The following SPINK2 variants were observed in gnomAD, a reference collection of about 807,000 sequenced individuals.
The protein encoded by SPINK2 is serine protease inhibitor Kazal-type 2.
SPINK2 carries 8 observed loss-of-function variants against 13.5 expected under a neutral mutation model. The observed-to-expected ratio is 0.59, with a 90% CI of 0.35 to 1.07. The LOEUF (loss-of-function observed/expected upper bound fraction) is 1.07, where lower values mean the gene tolerates loss of function less well. SPINK2 is among the 50% of genes least tolerant of loss of function. SPINK2 has a pLI of 0.02. For synonymous variants in SPINK2, 76 were observed against 74.7 expected, an observed-to-expected ratio of 1.02 and a Z score of -0.09; for missense variants, 148 against 180.3, an observed-to-expected ratio of 0.82 and a Z score of 1.03.
chr4:56,817,619 G>A (rs781536), intron 2 of SPINK2, among the ~76,000 whole-genome samples: 10,071 of 110,970 alleles, frequency 0.091, 586 homozygotes, highest in East Asian at 0.38. Flanking sequence ...GGGAGGCCGA[G>A]GCGGGCAGAT....
chr4:56,815,799 A>AC (rs1408194070), intron 2 of SPINK2, among the ~76,000 whole-genome samples: 4 of 96,562 alleles, frequency 4.1e-5, no homozygotes, highest in African/African-American at 1.5e-4. Context: ...CACACACACA[A>AC]AACTATTATT....
intron 2 of SPINK2, among the ~76,000 whole-genome samples, chr4:56,813,173 A>G (rs1397045103): frequency 6.6e-6 from 1 of 152,102 alleles, no homozygotes; most frequent in Non-Finnish European, 1.5e-5. Context: ...AAATACAAAA[A>G]TTAGCTGGGG....
Position 56,821,682 on chromosome 4 carries a change from T to C in SPINK2, c.-20A>G, listed in dbSNP as rs780294740. 1.5e-5 allele frequency: 23 copies of C among 1,497,804 alleles called. No homozygotes were observed. Among genetic ancestry groups the C allele is most frequent in the Non-Finnish European group, 2.7e-6 (3 of 1,129,294 alleles). The allele number at this position is 1,497,804 out of a possible 1,614,324, so 92.8% of individuals were successfully genotyped here. ...CGCCATCCTCCTCCCGCGCCGGCTGTCTTGCCCCTGCGGTCTGTTACCTGC... is the reference window on the plus strand; with the variant it reads ...CGCCATCCTCCTCCCGCGCCGGCTGCCTTGCCCCTGCGGTCTGTTACCTGC... On this transcript the variant is annotated 5_prime_UTR_variant, in exon 1 of 4. Coordinates refer to ENST00000506738, the MANE Select transcript of SPINK2 (RefSeq NM_001271718.2).
In SPINK2 at chr4:56,821,645, C is replaced by T; in HGVS notation, c.18G>A (p.Leu6=). The change falls in exon 1 of 4, where the codon CTG becomes CTA. Residue 6 remains leucine (L), a synonymous_variant. Transcript: ENST00000506738. ...CTGCCAGGAGCAGCAGCGCCAAGCG[C>T]AGCACCGACAGCGCCATCCTCCTCC... MALSV[L]RLALLLLAVT... The T allele has an allele frequency of 6.5e-7, 1 of 1,543,024 alleles. No individual in the cohort carries two copies. Among genetic ancestry groups the T allele is most frequent in the Non-Finnish European group, 8.7e-7 (1 of 1,145,676 alleles).
chr4:56,817,369 A>G (rs1383651164), intron 2 of SPINK2, among the ~76,000 whole-genome samples: 1 of 152,228 alleles, frequency 6.6e-6, no homozygotes, highest in Non-Finnish European at 1.5e-5. Context: ...AATACTCTCC[A>G]AATAGATATA....
upstream of SPINK2, chr4:56,821,853 C>T (rs1293690020): frequency 1.5e-5 from 4 of 273,408 alleles, no homozygotes; most frequent in African/African-American, 3.9e-5. Flanking sequence ...CGTGAAGGGT[C>T]GGGGGAGAAC....
Position 56,821,666 on chromosome 4 carries a change from C to A in SPINK2, c.-4G>T. The A allele has an allele frequency of 6.5e-7, 1 of 1,528,082 alleles. No individual in the cohort carries two copies. Among genetic ancestry groups the A allele is most frequent in the Non-Finnish European group, 8.8e-7 (1 of 1,139,576 alleles). The allele number at this position is 1,528,082 out of a possible 1,614,324, so 94.7% of individuals were successfully genotyped here. On this transcript the variant is annotated 5_prime_UTR_variant, in exon 1 of 4. Transcript: ENST00000506738. Reference sequence around the variant, plus strand: ...AGCGCAGCACCGACAGCGCCATCCTCCTCCCGCGCCGGCTGTCTTGCCCCT... The same window carrying A: ...AGCGCAGCACCGACAGCGCCATCCTACTCCCGCGCCGGCTGTCTTGCCCCT...
intron 2 of SPINK2, among the ~76,000 whole-genome samples, chr4:56,815,855 G>C (rs1266378358): frequency 6.6e-6 from 1 of 150,944 alleles, no homozygotes; most frequent in Non-Finnish European, 1.5e-5. Flanking sequence ...TGTAATTCCA[G>C]TACTTTGGGA....
chr4:56,813,299 GACA>G (rs1176429106), intron 2 of SPINK2, among the ~76,000 whole-genome samples: 2 of 152,166 alleles, frequency 1.3e-5, no homozygotes, highest in African/African-American at 4.8e-5. Flanking sequence ...CTCCCGCCTA[GACA>G]ACAACAGCGA....
At position 56,815,218 on chromosome 4, in the gene SPINK2, A is replaced by T. The variant is rs114681372; in HGVS notation, c.250-3424T>A. ...AAATAAAATAAAATAAAAGGCATCC[A>T]TGAATAACCTAAGCAAACATTCTAC... On this transcript the variant is annotated intron_variant, in intron 2 of 3. Transcript: ENST00000506738. Among the ~76,000 whole-genome samples, 1,015 of 152,122 alleles carry T rather than the reference A, an allele frequency of 6.7e-3. 15 individuals are homozygous for T. The highest frequency in any genetic ancestry group is 0.022 in the African/African-American group (930 of 41,538).
chr4:56,820,527 G>C lies in SPINK2; in HGVS notation c.249+9C>G, dbSNP rs763531032. 7 of 1,605,714 alleles carry C rather than the reference G, an allele frequency of 4.4e-6. No individual in the cohort carries two copies. In the East Asian group the frequency reaches 1.3e-4, roughly 31 times the overall value. On this transcript the variant is annotated intron_variant, in intron 2 of 3. Coordinates refer to ENST00000506738, the MANE Select transcript of SPINK2 (RefSeq NM_001271718.2). ...TTAGTAGAAACAGTAGAAGTGGTTT[G>C]CTACTTACCGTTCTATATTTTGAAA...
chr4:56,818,958 T>C (rs1717695875), intron 2 of SPINK2, among the ~76,000 whole-genome samples: 1 of 152,130 alleles, frequency 6.6e-6, no homozygotes, highest in South Asian at 2.1e-4. Flanking sequence ...AAACAGGCAA[T>C]TACAACCTAA....
At chr4:56,821,145 G>A (rs527337060) in intron 1 of SPINK2, among the ~76,000 whole-genome samples, 14 of 152,296 alleles carry the variant, frequency 9.2e-5, no homozygotes, top group African/African-American at 3.4e-4. Context: ...TTTACAACTC[G>A]GGGTAACAAA....
At chr4:56,815,250 G>A (rs780362500) in intron 2 of SPINK2, among the ~76,000 whole-genome samples, 14 of 148,900 alleles carry the variant, frequency 9.4e-5, no homozygotes, top group Admixed American at 2.7e-4. Flanking sequence ...CTACTCAATG[G>A]TAAAGGACTC....
chr4:56,811,522 C>G (rs1289061381), intron 3 of SPINK2, among the ~76,000 whole-genome samples, 163 bp downstream of exon 3: 1 of 151,582 alleles, frequency 6.6e-6, no homozygotes, highest in African/African-American at 2.4e-5. Context: ...GAGGCTGAGG[C>G]ACAAGAATTG....
intron 2 of SPINK2, among the ~76,000 whole-genome samples, chr4:56,814,442 A>G (rs1226434188): frequency 6.6e-6 from 1 of 152,118 alleles, no homozygotes; most frequent in Non-Finnish European, 1.5e-5. Flanking sequence ...CACAAAGACA[A>G]AGAAAAGTTG....
At chr4:56,815,490 A>T (rs1578431486) in intron 2 of SPINK2, among the ~76,000 whole-genome samples, 1 of 152,190 alleles carries the variant, frequency 6.6e-6, no homozygotes, top group Non-Finnish European at 1.5e-5. Flanking sequence ...ACTTGAGGCC[A>T]GGAGTTCGAG....
At position 56,812,418 on chromosome 4, in the gene SPINK2, G is replaced by A. The variant is rs529248579; in HGVS notation, c.250-624C>T. Among the ~76,000 whole-genome samples, 7 of 151,390 alleles carry A rather than the reference G, an allele frequency of 4.6e-5. No individual in the cohort carries two copies. The East Asian group carries it at 6.0e-4, about 13-fold the overall frequency. On this transcript the variant is annotated intron_variant, in intron 2 of 3. Transcript: ENST00000506738. ...AAAAAATAAAAAATTAGCCGGGCAC[G>A]GTGGCGCATGCCTGTAATCCCAGCT...
intron 2 of SPINK2, among the ~76,000 whole-genome samples, chr4:56,812,563 CAAAAAAAAAAAA>C (rs57162077): frequency 3.7e-4 from 6 of 16,366 alleles, no homozygotes; most frequent in African/African-American, 9.4e-4. Flanking sequence ...AACTCCATCT[CAAAAAAAAAAAA>C]AAAAAAAAAA....
Sources: allele counts gnomAD v4.1 joint callset (sites outside exome capture counted in the v4.1 genomes callset), GRCh38; gene constraint gnomAD v4.1.1; transcripts MANE v1.5; gene names NCBI Gene and HGNC (gene_info 2026-07-23, HGNC 2026-07-21).